Variants in ZNF608 observed in about 807,000 individuals in gnomAD.
The protein encoded by ZNF608 is zinc finger protein 608, also known as renal carcinoma antigen NY-REN-36.
In ZNF608, 12 loss-of-function variants were observed where a neutral mutation model predicts 109.0. That is an observed-to-expected ratio of 0.11 (90% CI 0.07 to 0.18). The LOEUF is 0.18. ZNF608 is among the 10% of genes least tolerant of loss of function. The probability of loss-of-function intolerance (pLI) is 1.00; values close to 1 mark genes in which losing one functional copy is unlikely to be tolerated. For missense variants in ZNF608, 1,707 were observed against 1,879.3 expected (o/e 0.91, Z 1.70); for synonymous variants, 732 against 717.4 (o/e 1.02, Z -0.33).
At chr5:124,726,214 G>C (rs912660906) in intron 2 of ZNF608, among the ~76,000 whole-genome samples, 23 of 152,020 alleles carry the variant, frequency 1.5e-4, no homozygotes, top group Non-Finnish European at 4.4e-5. Flanking sequence ...CACGGCGCTG[G>C]CTCCTACTGC....
chr5:124,706,429 C>A (rs1327042960), intron 2 of ZNF608, among the ~76,000 whole-genome samples: 1 of 152,122 alleles, frequency 6.6e-6, no homozygotes, highest in Non-Finnish European at 1.5e-5. Flanking sequence ...GGTGGTTTGG[C>A]CCTATGGGAC....
At chr5:124,728,378 C>T (rs1748716602) in intron 2 of ZNF608, among the ~76,000 whole-genome samples, 1 of 152,144 alleles carries the variant, frequency 6.6e-6, no homozygotes, top group South Asian at 2.1e-4. Flanking sequence ...CCAAGGGGAT[C>T]AAAGCAAAGA....
chr5:124,649,237 T>A, intron 4 of ZNF608, 104 bp from the exon 5 acceptor site: 1 of 937,486 alleles, frequency 1.1e-6, no homozygotes, highest in Non-Finnish European at 1.5e-6. Context: ...TCCAGTAGCT[T>A]CAGGGCTGGG....
At chr5:124,644,760 T>A (rs1024605986) in intron 5 of ZNF608, 99 bp from the exon 6 acceptor site, 1 of 974,196 alleles carries the variant, frequency 1.0e-6, no homozygotes, top group Admixed American at 2.9e-5. Context: ...ACTAGCACTC[T>A]TAATTTTAAT....
In ZNF608 at chr5:124,649,605, C is replaced by T; in HGVS notation, c.1250+5G>A. 1 of 1,610,002 alleles carries T rather than the reference C, an allele frequency of 6.2e-7. No individual in the cohort carries two copies. Among genetic ancestry groups the T allele is most frequent in the Non-Finnish European group, 8.5e-7 (1 of 1,177,948 alleles). On this transcript the variant is annotated splice_donor_5th_base_variant and intron_variant, in intron 4 of 9. Coordinates refer to ENST00000513986, the MANE Select transcript of ZNF608 (RefSeq NM_020747.3). ...AAGGAGAGAAATAAAAGGCCCTGTTCATACCTGGGAGGGGCCCAGTCGTGC... is the reference window on the plus strand; with the variant it reads ...AAGGAGAGAAATAAAAGGCCCTGTTTATACCTGGGAGGGGCCCAGTCGTGC...
Position 124,666,716 on chromosome 5 carries a change from T to C in ZNF608, c.1163-17019A>G, listed in dbSNP as rs1386166373. On this transcript the variant is annotated intron_variant, in intron 3 of 9. Coordinates refer to ENST00000513986, the MANE Select transcript of ZNF608 (RefSeq NM_020747.3). ...ATACAAACTGGGTTTGCTCTGTGTG[T>C]GTGTGTGTGTGTGTGTGTGTGTGTG... Among the ~76,000 whole-genome samples the C allele has an allele frequency of 5.0e-5, 3 of 59,450 alleles. No homozygotes were observed. In the South Asian group the frequency reaches 1.4e-3, roughly 28 times the overall value. 39.0% of individuals were successfully genotyped at this position (59,450 alleles called of 152,430 possible).
intron 3 of ZNF608, among the ~76,000 whole-genome samples, chr5:124,651,539 T>A (rs1750776338): frequency 6.6e-6 from 1 of 152,222 alleles, no homozygotes; most frequent in Non-Finnish European, 1.5e-5. Flanking sequence ...CCAGAGTCCC[T>A]GATGTAGCAC....
intron 3 of ZNF608, among the ~76,000 whole-genome samples, chr5:124,665,110 A>G (rs1751423034): frequency 6.6e-6 from 1 of 151,592 alleles, no homozygotes; most frequent in Non-Finnish European, 1.5e-5. Context: ...CAGGAGGCGG[A>G]GGTTGCAGTG....
chr5:124,726,388 C>A (rs1479902444), intron 2 of ZNF608, among the ~76,000 whole-genome samples: 1 of 152,118 alleles, frequency 6.6e-6, no homozygotes, highest in African/African-American at 2.4e-5. Flanking sequence ...CAGGATATAT[C>A]AAAAATGAGT....
At chr5:124,727,733 CTTTTTTTTTTT>C (rs1182383879) in intron 2 of ZNF608, among the ~76,000 whole-genome samples, 1 of 77,872 alleles carries the variant, frequency 1.3e-5, no homozygotes, top group Non-Finnish European at 2.3e-5. Context: ...TCCAGGTATC[CTTTTTTTTTTT>C]TTTTTTTTTT....
intron 3 of ZNF608, among the ~76,000 whole-genome samples, chr5:124,689,515 T>A (rs1418350755): frequency 6.7e-6 from 1 of 148,738 alleles, no homozygotes; most frequent in East Asian, 1.9e-4. Flanking sequence ...GAAGAACTAG[T>A]TTCCAAAATA....
Position 124,647,842 on chromosome 5 carries a change from C to A in ZNF608, c.2542G>T (p.Asp848Tyr). The A allele has an allele frequency of 1.2e-6, 2 of 1,614,242 alleles. No individual in the cohort carries two copies. Among genetic ancestry groups the A allele is most frequent in the Non-Finnish European group, 1.7e-6 (2 of 1,180,034 alleles). The stretch of plus-strand genomic sequence containing the variant: ...TCCTTTAAAAAATGCCCAGGTAAAT[C>A]TTTGCTGGCCCCCTTGGAGTCCTCT... Reference protein sequence around the residue: ...KLEDSKGASKDLPGHFLKDHL... With the variant: ...KLEDSKGASKYLPGHFLKDHL... The change falls in exon 5 of 10, where the codon GAT (aspartate) becomes TAT (tyrosine). Residue 848 changes from aspartate to tyrosine, a missense_variant. By Grantham distance (160) the Asp-to-Tyr change is radical (BLOSUM62 -3). Around this residue, in one of 7 missense-constraint regions of ZNF608, gnomAD observed 1,073 missense variants for 1,133.5 expected, o/e 0.95. Coordinates refer to ENST00000513986, the MANE Select transcript of ZNF608 (RefSeq NM_020747.3).
chr5:124,736,064 C>T (rs1442838248), intron 2 of ZNF608, among the ~76,000 whole-genome samples: 1 of 151,502 alleles, frequency 6.6e-6, no homozygotes, highest in Non-Finnish European at 1.5e-5. Context: ...CATGTTTAAT[C>T]ACCACTGCTT....
intron 3 of ZNF608, among the ~76,000 whole-genome samples, chr5:124,666,745 G>GTT (rs1224283623): frequency 1.4e-5 from 2 of 147,726 alleles, no homozygotes; most frequent in Non-Finnish European, 3.0e-5. Flanking sequence ...GTGTGTGTGT[G>GTT]TGTGTGTGTG....
At chr5:124,738,821 A>G (rs1024095917) in intron 2 of ZNF608, among the ~76,000 whole-genome samples, 2 of 151,822 alleles carry the variant, frequency 1.3e-5, no homozygotes, top group Non-Finnish European at 2.9e-5. Context: ...GAAGGATCTC[A>G]ACTGATAAAA....
At chr5:124,665,217 A>G (rs1313245990) in intron 3 of ZNF608, among the ~76,000 whole-genome samples, 1 of 151,772 alleles carries the variant, frequency 6.6e-6, no homozygotes, top group East Asian at 1.9e-4. Flanking sequence ...GTGACATCAC[A>G]CTGGAAACTT....
intron 3 of ZNF608, among the ~76,000 whole-genome samples, chr5:124,651,389 C>T (rs1193415687): frequency 6.6e-6 from 1 of 152,092 alleles, no homozygotes; most frequent in Admixed American, 6.5e-5. Context: ...CTCTGGGGCA[C>T]TGTGTGTGGT....
At chr5:124,714,588 C>T (rs372514577) in intron 2 of ZNF608, among the ~76,000 whole-genome samples, 100 of 152,280 alleles carry the variant, frequency 6.6e-4, no homozygotes, top group African/African-American at 2.3e-3. Context: ...CCTCAATTTC[C>T]TCACCTATAA....
At chr5:124,747,672 G>A (rs1442455159), upstream of ZNF608, among the ~76,000 whole-genome samples, 1 of 151,002 alleles carries the variant, frequency 6.6e-6, no homozygotes, top group Admixed American at 6.6e-5. Flanking sequence ...TACAAGTTAT[G>A]AATGTGAAAC....
Sources: gnomAD v4.1 joint callset for allele counts (sites outside exome capture counted in the v4.1 genomes callset) on GRCh38, gnomAD v4.1.1 for gene constraint, gnomAD v4.1.1 regional missense constraint, MANE v1.5 for transcripts, NCBI Gene and HGNC (gene_info 2026-07-23, HGNC 2026-07-21) for gene names.